Variants in ASB13 observed in about 807,000 individuals in gnomAD.
ASB13 encodes the protein ankyrin repeat and SOCS box protein 13.
Under a neutral mutation model 28.8 loss-of-function variants are expected in ASB13, and 33 were observed. That is an observed-to-expected ratio of 1.15 (90% CI 0.87 to 1.53). ASB13 has a LOEUF of 1.53. Ranked by LOEUF, ASB13 falls within the 40% of genes most tolerant of loss-of-function variation. The pLI is 0.00. For synonymous variants in ASB13, 182 were observed against 172.9 expected (o/e 1.05, Z -0.41); for missense variants, 414 against 390.1 (o/e 1.06, Z -0.52).
Position 5,642,347 on chromosome 10 carries a change from A to G in ASB13, c.518-386T>C, listed in dbSNP as rs963399071. On this transcript the variant is annotated intron_variant, in intron 4 of 5. Transcript: ENST00000357700. The surrounding 1 kb of genome is among the most constrained non-coding windows in gnomAD (Gnocchi z 4.1). ...CAAGCACTCCCGCCTGGCCTCCAGC[A>G]CAGACACACACTGCTTCTTCCTCTT... 4.5e-6 allele frequency: 2 copies of G among 447,548 alleles called. No homozygotes were observed. Among genetic ancestry groups the G allele is most frequent in the African/African-American group, 4.1e-5 (2 of 48,282 alleles). 27.7% of individuals were successfully genotyped at this position (447,548 alleles called of 1,614,324 possible).
chr10:5,664,292 C>CA lies in ASB13; in HGVS notation c.43+2216dup, dbSNP rs1290997197. Among the ~76,000 whole-genome samples, 4 of 150,844 alleles carry CA rather than the reference C, an allele frequency of 2.7e-5. No homozygotes were observed. In the East Asian group the frequency reaches 7.8e-4, roughly 30 times the overall value. On this transcript the variant is annotated intron_variant, in intron 1 of 5. Transcript: ENST00000357700. This position sits in a 1 kb window ranked among gnomAD's most constrained non-coding sequence, Gnocchi z 4.2. ...CTGGAAGACCCAAGGCTGCAGGGCACACGTCTCCAAACACTGAACCAGGAG... is the reference window on the plus strand; with the variant it reads ...CTGGAAGACCCAAGGCTGCAGGGCACAACGTCTCCAAACACTGAACCAGGAG...
chr10:5,643,940 C>T lies in ASB13; in HGVS notation c.518-1979G>A, dbSNP rs558593646. Among the ~76,000 whole-genome samples the T allele has an allele frequency of 4.6e-4, 70 of 152,368 alleles. No individual in the cohort carries two copies. The South Asian group carries it at 0.014, about 31-fold the overall frequency. On this transcript the variant is annotated intron_variant, in intron 4 of 5. Transcript: ENST00000357700. Reference sequence around the variant, plus strand: ...AAATCACGCTCCCTGCCACGCTCCACAGACGAGGCCTTGGCCAGGGGCTCT... The same window carrying T: ...AAATCACGCTCCCTGCCACGCTCCATAGACGAGGCCTTGGCCAGGGGCTCT...
Position 5,642,332 on chromosome 10 carries a change from C to T in ASB13, c.518-371G>A, listed in dbSNP as rs927093975. The T allele has an allele frequency of 1.1e-5, 4 of 370,908 alleles. No homozygotes were observed. The highest frequency in any genetic ancestry group is 4.3e-5 in the African/African-American group (2 of 47,010). The allele number at this position is 370,908 out of a possible 1,614,324, so 23.0% of individuals were successfully genotyped here. A position where few individuals can be genotyped will look rare whatever the true frequency, so the allele number is the denominator to read the frequency against. The stretch of plus-strand genomic sequence containing the variant: ...CAAACCAGAGCCACTCAAGCACTCC[C>T]GCCTGGCCTCCAGCACAGACACACA... On this transcript the variant is annotated intron_variant, in intron 4 of 5. Coordinates refer to ENST00000357700, the MANE Select transcript of ASB13 (RefSeq NM_024701.4). This position sits in a 1 kb window ranked among gnomAD's most constrained non-coding sequence, Gnocchi z 4.1.
At chr10:5,648,615 G>GGGCAAACACCCCCTC (rs1834929951) in intron 4 of ASB13, among the ~76,000 whole-genome samples, 1 of 89,406 alleles carries the variant, frequency 1.1e-5, no homozygotes, top group Non-Finnish European at 2.3e-5. Context: ...AACACCCACG[G>GGGCAAACACCCCCTC]GGGTAAACAA....
chr10:5,642,158 A>G lies in ASB13; in HGVS notation c.518-197T>C, dbSNP rs932444148. On this transcript the variant is annotated intron_variant, in intron 4 of 5. Coordinates refer to ENST00000357700, the MANE Select transcript of ASB13 (RefSeq NM_024701.4). This position sits in a 1 kb window ranked among gnomAD's most constrained non-coding sequence, Gnocchi z 4.1. ...CAGGAACTACTTACTGTCCCCACTCATGAGAGATAAAGGTAGGCAGCAATA... is the reference window on the plus strand; with the variant it reads ...CAGGAACTACTTACTGTCCCCACTCGTGAGAGATAAAGGTAGGCAGCAATA... Among the ~76,000 whole-genome samples the G allele has an allele frequency of 6.6e-6, 1 of 152,232 alleles. No homozygotes were observed. The highest frequency in any genetic ancestry group is 1.5e-5 in the Non-Finnish European group (1 of 68,052).
rs1327593709 is a variant in ASB13, at chr10:5,660,861, GC to G, written c.43+5647del. Among the ~76,000 whole-genome samples the G allele has an allele frequency of 2.0e-5, 3 of 152,102 alleles. No individual in the cohort carries two copies. Among genetic ancestry groups the G allele is most frequent in the African/African-American group, 7.2e-5 (3 of 41,396 alleles). ...AGTTCCCGGGCCCTCTGAGACCAGA[GC>G]CCCTCCATCGCTCCCTGCCTTGCAA... On this transcript the variant is annotated intron_variant, in intron 1 of 5. Coordinates refer to ENST00000357700, the MANE Select transcript of ASB13 (RefSeq NM_024701.4). This position sits in a 1 kb window ranked among gnomAD's most constrained non-coding sequence, Gnocchi z 6.1.
At chr10:5,666,472 G>A (rs1239180765) in intron 1 of ASB13, 37 bp downstream of exon 1, 10 of 1,285,690 alleles carry the variant, frequency 7.8e-6, no homozygotes, top group African/African-American at 1.6e-5. Flanking sequence ...AGCCGGCGCC[G>A]CTGCCTCGCT....
chr10:5,665,572 G>T (rs1473925089), intron 1 of ASB13, among the ~76,000 whole-genome samples: 1 of 152,176 alleles, frequency 6.6e-6, no homozygotes, highest in Non-Finnish European at 1.5e-5. Flanking sequence ...ATCAAATGCA[G>T]ATCACAGTGT....
rs747932259 is a variant in ASB13, at chr10:5,652,136, G to A, written c.231+727C>T. On this transcript the variant is annotated intron_variant, in intron 2 of 5. Coordinates refer to ENST00000357700, the MANE Select transcript of ASB13 (RefSeq NM_024701.4). The surrounding 1 kb of genome is among the most constrained non-coding windows in gnomAD (Gnocchi z 5.0). ...CCCCTAGTGAGAAAGTCAGAGGCCA[G>A]GAAAAAGGCAACTCCCCAAATTGGC... is the stretch of plus-strand genomic sequence containing the variant. Among the ~76,000 whole-genome samples the A allele has an allele frequency of 1.3e-5, 2 of 150,698 alleles. No homozygotes were observed. The highest frequency in any genetic ancestry group is 2.9e-5 in the Non-Finnish European group (2 of 67,892).
In ASB13 at chr10:5,642,599, A is replaced by T. The variant is rs1333390816; in HGVS notation, c.518-638T>A. Reference sequence around the variant, plus strand: ...AAAAAAATTTTTTTTTAAAAAAAAGAGCAGACATTCAGAAAGATGCAAGGA... The same window carrying T: ...AAAAAAATTTTTTTTTAAAAAAAAGTGCAGACATTCAGAAAGATGCAAGGA... On this transcript the variant is annotated intron_variant, in intron 4 of 5. Coordinates refer to ENST00000357700, the MANE Select transcript of ASB13 (RefSeq NM_024701.4). This position sits in a 1 kb window ranked among gnomAD's most constrained non-coding sequence, Gnocchi z 4.1. 6 of 995,662 alleles carry T rather than the reference A, an allele frequency of 6.0e-6. No homozygotes were observed. Among genetic ancestry groups the T allele is most frequent in the Non-Finnish European group, 8.0e-6 (6 of 751,216 alleles). 61.7% of individuals were successfully genotyped at this position (995,662 alleles called of 1,614,324 possible).
At position 5,641,160 on chromosome 10, in the gene ASB13, G is replaced by T. The variant is rs946584051; in HGVS notation, c.710-330C>A. On this transcript the variant is annotated intron_variant, in intron 5 of 5. Transcript: ENST00000357700. This position sits in a 1 kb window ranked among gnomAD's most constrained non-coding sequence, Gnocchi z 8.4. ...TCTGTCACCCAGGCTGGAGTGCAGC[G>T]GCACAATCTCAGCTCACTGCAACCT... 6.6e-6 allele frequency among the ~76,000 whole-genome samples: 1 copy of T among 152,086 alleles called. No individual in the cohort carries two copies. Among genetic ancestry groups the T allele is most frequent in the East Asian group, 1.9e-4 (1 of 5,188 alleles).
chr10:5,648,779 TAAACACCCACGCGGGC>T (rs1008614595), intron 4 of ASB13, among the ~76,000 whole-genome samples, 175 bp downstream of exon 4: 1 of 122,612 alleles, frequency 8.2e-6, no homozygotes, highest in African/African-American at 3.1e-5. Context: ...CCCACTGGGG[TAAACACCCACGCGGGC>T]AAACACCCAC....
In ASB13 at chr10:5,661,260, G is replaced by C. The variant is rs1465716436; in HGVS notation, c.43+5249C>G. ...ACACTGCCCTGCCTGCACCCACACT[G>C]GCGGGCCTCACTTGACCCACACAGG... On this transcript the variant is annotated intron_variant, in intron 1 of 5. Coordinates refer to ENST00000357700, the MANE Select transcript of ASB13 (RefSeq NM_024701.4). The surrounding 1 kb of genome is among the most constrained non-coding windows in gnomAD (Gnocchi z 4.9). Among the ~76,000 whole-genome samples, 2 of 152,108 alleles carry C rather than the reference G, an allele frequency of 1.3e-5. No individual in the cohort carries two copies. The highest frequency in any genetic ancestry group is 2.9e-5 in the Non-Finnish European group (2 of 68,028).
chr10:5,666,537 C>A lies in ASB13; in HGVS notation c.15G>T (p.Ala5=). The A allele has an allele frequency of 8.0e-7, 1 of 1,245,364 alleles. No homozygotes were observed. The highest frequency in any genetic ancestry group is 1.0e-6 in the Non-Finnish European group (1 of 989,620). 77.1% of individuals were successfully genotyped at this position (1,245,364 alleles called of 1,614,324 possible). Residue 5 remains alanine, a synonymous_variant, in exon 1 of 6, where the codon GCG becomes GCT. Transcript: ENST00000357700. ...CGTCGCCCAGGAAGCAGCCGTCCGC[C>A]GCCCGGGGCTCCATGCGGCTCACCG... MEPR[A]ADGCFLGDVG...
intron 5 of ASB13, 62 bp from the exon 6 acceptor site, chr10:5,640,892 T>C (rs4427479): frequency 0.74 from 1,174,348 of 1,589,716 alleles, 434,305 homozygotes; most frequent in East Asian, 0.84. Flanking sequence ...ACACCTGCAA[T>C]GGAACACAAA....
At chr10:5,662,539 G>GGGGGAGA (rs1554744100) in intron 1 of ASB13, among the ~76,000 whole-genome samples, 1 of 40,276 alleles carries the variant, frequency 2.5e-5, no homozygotes, top group Non-Finnish European at 5.6e-5. Context: ...AGAAGGGGGG[G>GGGGGAGA]GGAGGGGAGG....
At position 5,645,173 on chromosome 10, in the gene ASB13, G is replaced by A. The variant is rs1264411012; in HGVS notation, c.518-3212C>T. Among the ~76,000 whole-genome samples the A allele has an allele frequency of 6.6e-6, 1 of 151,758 alleles. No individual in the cohort carries two copies. Among genetic ancestry groups the A allele is most frequent in the African/African-American group, 2.4e-5 (1 of 41,270 alleles). Reference sequence around the variant, plus strand: ...ACCGCCTAAGACCTTAGCACGCCAAGACTGGCACAATCCTGGAACATAAAC... The same window carrying A: ...ACCGCCTAAGACCTTAGCACGCCAAAACTGGCACAATCCTGGAACATAAAC... On this transcript the variant is annotated intron_variant, in intron 4 of 5. Transcript: ENST00000357700. This position sits in a 1 kb window ranked among gnomAD's most constrained non-coding sequence, Gnocchi z 5.4.
At chr10:5,653,165 A>C in intron 1 of ASB13, 115 bp from the exon 2 acceptor site, 3 of 1,099,524 alleles carry the variant, frequency 2.7e-6, no homozygotes. Context: ...TGATCATGCA[A>C]TTGTCCCAGC....
At position 5,659,920 on chromosome 10, in the gene ASB13, A is replaced by T. The variant is rs1162853334; in HGVS notation, c.43+6589T>A. On this transcript the variant is annotated intron_variant, in intron 1 of 5. Transcript: ENST00000357700. The surrounding 1 kb of genome is among the most constrained non-coding windows in gnomAD (Gnocchi z 5.8). ...TTCCAGCCCAGGACAGTGGCCTGAG[A>T]CCTAACATGATGCTTGCACACTCTG... Among the ~76,000 whole-genome samples the T allele has an allele frequency of 6.6e-6, 1 of 152,226 alleles. No homozygotes were observed. Among genetic ancestry groups the T allele is most frequent in the South Asian group, 2.1e-4 (1 of 4,826 alleles).
Sources: allele counts gnomAD v4.1 joint callset (sites outside exome capture counted in the v4.1 genomes callset), GRCh38; gene constraint gnomAD v4.1.1; non-coding constraint Gnocchi (gnomAD v3.1); transcripts MANE v1.5; gene names NCBI Gene and HGNC (gene_info 2026-07-23, HGNC 2026-07-21).